UBR2: variants seen among roughly 807,000 people sequenced by gnomAD.
The protein encoded by UBR2 is E3 ubiquitin-protein ligase UBR2.
Under a neutral mutation model 247.9 loss-of-function variants are expected in UBR2, and 92 were observed. The observed-to-expected ratio is 0.37, with a 90% confidence interval of 0.31 to 0.44. The LOEUF is 0.44. Among genes scored for constraint, UBR2 ranks in the 20% least tolerant of loss-of-function variants. The pLI, the probability that UBR2 is intolerant of heterozygous loss-of-function variation, is 1.00. For missense variants in UBR2, 1,613 were observed against 2,112.6 expected, an observed-to-expected ratio of 0.76 and a Z score of 4.64; for synonymous variants, 672 against 693.5, an observed-to-expected ratio of 0.97 and a Z score of 0.49.
chr6:42,670,485 C>G (rs2151982432), intron 35 of UBR2, among the ~76,000 whole-genome samples, 175 bp from the exon 36 acceptor site: 1 of 152,232 alleles, frequency 6.6e-6, no homozygotes, highest in South Asian at 2.1e-4. Flanking sequence ...AAGGAATGTA[C>G]TGTTCGTTTT....
At position 42,594,322 on chromosome 6, in the gene UBR2, A is replaced by G. The variant is rs202203046; in HGVS notation, c.531+18A>G. On this transcript the variant is annotated intron_variant, in intron 4 of 46. Coordinates refer to ENST00000372901, the MANE Select transcript of UBR2 (RefSeq NM_001363705.2). ...AAGAAGAGGTAAAAACATTTTCACA[A>G]AGTTGTTTTTAACCCAAGTTTGAAA... is the stretch of plus-strand genomic sequence containing the variant. The G allele has an allele frequency of 2.0e-5, 31 of 1,589,648 alleles. No individual in the cohort carries two copies. Among genetic ancestry groups the G allele is most frequent in the Non-Finnish European group, 2.6e-5 (30 of 1,164,938 alleles).
chr6:42,622,247 G>A (rs1330373282), intron 11 of UBR2, among the ~76,000 whole-genome samples: 1 of 152,032 alleles, frequency 6.6e-6, no homozygotes, highest in Non-Finnish European at 1.5e-5. Flanking sequence ...TCGAACTCCT[G>A]ACCTCAGGTG....
chr6:42,623,295 T>G (rs976638661), intron 11 of UBR2, among the ~76,000 whole-genome samples: 1 of 152,162 alleles, frequency 6.6e-6, no homozygotes, highest in African/African-American at 2.4e-5. Flanking sequence ...ATTCCTAGTT[T>G]GCTCTAAGAT....
intron 8 of UBR2, among the ~76,000 whole-genome samples, chr6:42,613,052 C>T (rs1794191465): frequency 6.6e-6 from 1 of 151,884 alleles, no homozygotes; most frequent in Non-Finnish European, 1.5e-5. Context: ...AGTGAGCCAA[C>T]ATCACGCCAC....
At position 42,617,468 on chromosome 6, in the gene UBR2, C is replaced by T. The variant is rs77363345; in HGVS notation, c.1242C>T (p.Val414=). ...VTDDHDREFS[V]ADLSVQIFTV... ...ATGACCACGACAGAGAGTTTTCAGT[C>T]GCAGACCTCTCGGTTCAGATATTCA... Residue 414 remains valine, a synonymous_variant, in exon 11 of 47, where the codon GTC becomes GTT. Transcript: ENST00000372901. 20 of 1,556,096 alleles carry T rather than the reference C, an allele frequency of 1.3e-5. No individual in the cohort carries two copies. In the East Asian group the frequency reaches 1.5e-4, roughly 11 times the overall value.
chr6:42,575,139 G>C (rs1054109236), intron 2 of UBR2, among the ~76,000 whole-genome samples: 1 of 152,140 alleles, frequency 6.6e-6, no homozygotes, highest in Admixed American at 6.5e-5. Flanking sequence ...ACATCTTTCC[G>C]TATCAGCTTA....
At chr6:42,685,973 C>T (rs1272436271) in intron 44 of UBR2, among the ~76,000 whole-genome samples, 1 of 152,186 alleles carries the variant, frequency 6.6e-6, no homozygotes, top group African/African-American at 2.4e-5. Flanking sequence ...TTTCTCCTCC[C>T]TCTGAAGATA....
chr6:42,649,156 C>G (rs574672629), intron 22 of UBR2, among the ~76,000 whole-genome samples: 1 of 152,064 alleles, frequency 6.6e-6, no homozygotes, highest in Non-Finnish European at 1.5e-5. Flanking sequence ...TACAGGCGCC[C>G]GCCACCACAC....
chr6:42,657,677 A>T (rs1301196692), intron 26 of UBR2, among the ~76,000 whole-genome samples: 1 of 152,256 alleles, frequency 6.6e-6, no homozygotes, highest in African/African-American at 2.4e-5. Flanking sequence ...ATATTTGTGC[A>T]TATATGCACC....
At position 42,637,170 on chromosome 6, in the gene UBR2, C is replaced by G; in HGVS notation, c.1834C>G (p.Leu612Val). 2 of 1,611,996 alleles carry G rather than the reference C, an allele frequency of 1.2e-6. No homozygotes were observed. Among genetic ancestry groups the G allele is most frequent in the Non-Finnish European group, 8.5e-7 (1 of 1,178,896 alleles). Reference protein sequence around the residue: ...CVSQEKVSIHLPVSRLLAGLH... With the variant: ...CVSQEKVSIHVPVSRLLAGLH... ...TTCCCAAGAAAAAGTTAGCATTCAC[C>G]TCCCAGTTTCTCGCTTACTTGCAGG... is the stretch of plus-strand genomic sequence containing the variant. Residue 612 changes from leucine to valine, a missense_variant, in exon 15 of 47, where the codon CTC (leucine) becomes GTC (valine). Physicochemically the swap from Leu to Val is conservative, Grantham distance 32. Transcript: ENST00000372901.
chr6:42,615,891 C>A, intron 9 of UBR2, 111 bp from the exon 10 acceptor site: 1 of 813,482 alleles, frequency 1.2e-6, no homozygotes, highest in East Asian at 2.8e-5. Flanking sequence ...GACACTGTCT[C>A]AAAAGTAAAA....
At chr6:42,642,804 A>G (rs1029063662) in intron 18 of UBR2, among the ~76,000 whole-genome samples, 5 of 152,098 alleles carry the variant, frequency 3.3e-5, no homozygotes, top group Admixed American at 2.0e-4. Flanking sequence ...TCCTTTCTTC[A>G]TTGTCCTCTG....
At chr6:42,656,568 A>G (rs1384376277) in intron 26 of UBR2, among the ~76,000 whole-genome samples, 3 of 152,188 alleles carry the variant, frequency 2.0e-5, no homozygotes, top group Non-Finnish European at 2.9e-5. Context: ...AAATGAATTG[A>G]TGGTGCTATG....
chr6:42,660,576 A>T (rs1432658743), intron 30 of UBR2, among the ~76,000 whole-genome samples: 1 of 152,018 alleles, frequency 6.6e-6, no homozygotes, highest in Non-Finnish European at 1.5e-5. Flanking sequence ...GCGTGAAAGG[A>T]GGTTTGAGAG....
At chr6:42,680,125 C>T (rs545053923) in intron 42 of UBR2, among the ~76,000 whole-genome samples, 35 of 152,128 alleles carry the variant, frequency 2.3e-4, no homozygotes, top group Non-Finnish European at 1.5e-4. Flanking sequence ...CCTGCCTCGG[C>T]CTCCCAAGTA....
intron 4 of UBR2, among the ~76,000 whole-genome samples, chr6:42,597,783 G>T (rs1793083409): frequency 6.6e-6 from 1 of 151,984 alleles, no homozygotes; most frequent in African/African-American, 2.4e-5. Flanking sequence ...GGGCGTGGTG[G>T]CACATGCCTG....
intron 1 of UBR2, 69 bp from the exon 2 acceptor site, chr6:42,573,665 G>A: frequency 7.2e-7 from 1 of 1,398,010 alleles, no homozygotes; most frequent in Non-Finnish European, 9.4e-7. Flanking sequence ...CTAAAAGAAA[G>A]TAGGGTGAAT....
At chr6:42,645,670 G>A (rs1796710065) in intron 21 of UBR2, 80 bp downstream of exon 21, 4 of 1,423,704 alleles carry the variant, frequency 2.8e-6, no homozygotes, top group Non-Finnish European at 3.9e-6. Context: ...ATTTACTTCT[G>A]TATACCTTTC....
chr6:42,603,144 C>CT (rs1170122496), intron 4 of UBR2, among the ~76,000 whole-genome samples: 1 of 152,106 alleles, frequency 6.6e-6, no homozygotes, highest in Non-Finnish European at 1.5e-5. Context: ...GTCATGAGTT[C>CT]TTACCTTTAA....
Sources: allele counts gnomAD v4.1 joint callset (sites outside exome capture counted in the v4.1 genomes callset), GRCh38; gene constraint gnomAD v4.1.1; transcripts MANE v1.5; gene names NCBI Gene and HGNC (gene_info 2026-07-23, HGNC 2026-07-21).